The following UNC13C variants were observed in gnomAD, a reference collection of about 807,000 sequenced individuals.
UNC13C encodes protein unc-13 homolog C.
Under a neutral mutation model 245.4 loss-of-function variants are expected in UNC13C, and 174 were observed. That is an observed-to-expected ratio of 0.71 (90% CI 0.63 to 0.80). The LOEUF is 0.80. Among genes scored for constraint, UNC13C ranks in the 30% least tolerant of loss-of-function variants. UNC13C has a pLI of 0.00. For synonymous variants in UNC13C, 992 were observed against 895.1 expected (o/e 1.11, Z -1.93); for missense variants, 2,829 against 2,602.9 (o/e 1.09, Z -1.89).
At position 54,562,363 on chromosome 15, in the gene UNC13C, T is replaced by A. The variant is rs924320899; in HGVS notation, c.5959-5437T>A. ...AAAGTCTGACTGTATAGGGGACAGA[T>A]GAAGAATTATATTTTCTAGCATATT... On this transcript the variant is annotated intron_variant, in intron 29 of 32. Transcript: ENST00000260323. Among the ~76,000 whole-genome samples, 7 of 152,054 alleles carry A rather than the reference T, an allele frequency of 4.6e-5. No individual in the cohort carries two copies. The East Asian group carries it at 1.4e-3, about 29-fold the overall frequency.
intron 19 of UNC13C, among the ~76,000 whole-genome samples, chr15:54,432,966 C>T (rs2040902383): frequency 6.6e-6 from 1 of 152,022 alleles, no homozygotes; most frequent in Non-Finnish European, 1.5e-5. Flanking sequence ...GCTATAAACA[C>T]CTCTACACAA....
rs866959812 is a variant in UNC13C, at chr15:54,172,735, T to A, written c.3071+29051T>A. Among the ~76,000 whole-genome samples, 214 of 115,448 alleles carry A rather than the reference T, an allele frequency of 1.9e-3. 9 individuals are homozygous for A. Among genetic ancestry groups the A allele is most frequent in the African/African-American group, 5.0e-3 (144 of 28,696 alleles). 75.7% of individuals were successfully genotyped at this position (115,448 alleles called of 152,430 possible). ...ATATATATATATATATATATATATA[T>A]ATATATATATATATATATATATATA... is the stretch of plus-strand genomic sequence containing the variant. On this transcript the variant is annotated intron_variant, in intron 4 of 32. Coordinates refer to ENST00000260323, the MANE Select transcript of UNC13C (RefSeq NM_001080534.3).
At chr15:54,308,560 A>G (rs560711280) in intron 13 of UNC13C, among the ~76,000 whole-genome samples, 7 of 151,966 alleles carry the variant, frequency 4.6e-5, no homozygotes, top group Admixed American at 2.0e-4. Context: ...ATTGTTATTA[A>G]CTATCATCAC....
At chr15:54,327,817 A>G (rs2038338040) in intron 14 of UNC13C, among the ~76,000 whole-genome samples, 1 of 152,038 alleles carries the variant, frequency 6.6e-6, no homozygotes, top group African/African-American at 2.4e-5. Flanking sequence ...ATCTTCCCAA[A>G]GAGGGTGGGA....
At chr15:54,178,285 C>T (rs893383015) in intron 4 of UNC13C, among the ~76,000 whole-genome samples, 3 of 151,854 alleles carry the variant, frequency 2.0e-5, no homozygotes, top group African/African-American at 7.3e-5. Flanking sequence ...CCTCCCTCCC[C>T]ATATCTTCTC....
At chr15:54,230,372 G>C (rs564330072) in intron 4 of UNC13C, among the ~76,000 whole-genome samples, 7 of 151,864 alleles carry the variant, frequency 4.6e-5, no homozygotes, top group South Asian at 2.1e-4. Flanking sequence ...TATCCTGCTT[G>C]ATAGTTTTCA....
At chr15:54,267,385 A>C (rs936626477) in intron 10 of UNC13C, among the ~76,000 whole-genome samples, 5 of 152,196 alleles carry the variant, frequency 3.3e-5, no homozygotes, top group Middle Eastern at 3.4e-3. Flanking sequence ...CAGACATCTT[A>C]GTCTCATTCC....
intron 25 of UNC13C, among the ~76,000 whole-genome samples, chr15:54,532,137 T>C (rs1418300701): frequency 6.6e-6 from 1 of 152,180 alleles, no homozygotes; most frequent in East Asian, 1.9e-4. Context: ...TTAAGCCTAC[T>C]ACCCATTAGT....
intron 30 of UNC13C, among the ~76,000 whole-genome samples, chr15:54,612,651 GCA>G (rs1346183715): frequency 1.3e-5 from 2 of 151,654 alleles, no homozygotes; most frequent in African/African-American, 2.4e-5. Flanking sequence ...CTCTAATTTC[GCA>G]CAGTCTTATT....
At chr15:54,078,544 A>T (rs1045844537) in intron 2 of UNC13C, among the ~76,000 whole-genome samples, 1 of 151,884 alleles carries the variant, frequency 6.6e-6, no homozygotes, top group African/African-American at 2.4e-5. Flanking sequence ...ATGGGTTTTC[A>T]TTGTAGTTTT....
chr15:54,260,516 C>G (rs1401366243), intron 8 of UNC13C, among the ~76,000 whole-genome samples: 2 of 149,806 alleles, frequency 1.3e-5, no homozygotes, highest in Non-Finnish European at 3.0e-5. Context: ...ATATACATAT[C>G]TATGTGTATA....
chr15:54,614,380 G>A (rs1027651563), intron 30 of UNC13C, among the ~76,000 whole-genome samples: 3 of 151,854 alleles, frequency 2.0e-5, no homozygotes, highest in Non-Finnish European at 1.5e-5. Context: ...TCTATTCAAA[G>A]AATTTGAATC....
At chr15:54,474,474 T>TA (rs1455101290) in intron 19 of UNC13C, among the ~76,000 whole-genome samples, 1 of 151,910 alleles carries the variant, frequency 6.6e-6, no homozygotes, top group African/African-American at 2.4e-5. Flanking sequence ...GTATGTCATT[T>TA]TTTTTGAGAA....
the UNC13C span, among the ~76,000 whole-genome samples, chr15:53,973,022 A>G: frequency 6.6e-6 from 1 of 152,120 alleles, no homozygotes; most frequent in South Asian, 2.1e-4. Flanking sequence ...CCAAATTGAA[A>G]TTTGCATTTG....
chr15:54,173,292 T>C (rs919421038), intron 4 of UNC13C, among the ~76,000 whole-genome samples: 2 of 152,064 alleles, frequency 1.3e-5, no homozygotes, highest in African/African-American at 4.8e-5. Context: ...GCATTAAACC[T>C]GTTGATTAAT....
At chr15:54,011,199 C>T (rs752076095) in intron 1 of UNC13C, among the ~76,000 whole-genome samples, 12 of 152,042 alleles carry the variant, frequency 7.9e-5, no homozygotes, top group African/African-American at 1.4e-4. Flanking sequence ...CAAGTGAGTT[C>T]GTGTGTGCAA....
chr15:53,914,718 G>C, the UNC13C span: 6 of 152,080 alleles, frequency 3.9e-5, no homozygotes, highest in African/African-American at 1.5e-4. Flanking sequence ...ACCTGCCTAC[G>C]GCCCCCCGAG....
intron 29 of UNC13C, among the ~76,000 whole-genome samples, chr15:54,559,728 A>G (rs1897228036): frequency 6.6e-6 from 1 of 151,986 alleles, no homozygotes; most frequent in African/African-American, 2.4e-5. Flanking sequence ...ATAAAGAGGG[A>G]AAAAACAATG....
At chr15:54,408,029 G>A (rs1239226805) in intron 18 of UNC13C, among the ~76,000 whole-genome samples, 6 of 151,208 alleles carry the variant, frequency 4.0e-5, no homozygotes, top group Non-Finnish European at 8.8e-5. Flanking sequence ...GTGAAACTCC[G>A]TCTCTACTAA....
Sources: allele counts gnomAD v4.1 joint callset (sites outside exome capture counted in the v4.1 genomes callset), GRCh38; gene constraint gnomAD v4.1.1; transcripts MANE v1.5; gene names NCBI Gene and HGNC (gene_info 2026-07-23, HGNC 2026-07-21).